Variants in ACTR6 observed in about 807,000 individuals in gnomAD.
The protein encoded by ACTR6 is actin related protein 6, also known as actin-related protein 6.
ACTR6 carries 50 observed loss-of-function variants against 52.5 expected under a neutral mutation model. The ratio of observed to expected loss-of-function variants is 0.95; its 90% CI spans 0.76 to 1.20. The LOEUF (loss-of-function observed/expected upper bound fraction) is 1.20, where lower values mean the gene tolerates loss of function less well. ACTR6 is among the 50% of genes most tolerant of loss of function. The pLI, the probability that ACTR6 is intolerant of heterozygous loss-of-function variation, is 0.00. For synonymous variants in ACTR6, 135 were observed against 147.2 expected (o/e 0.92, Z 0.60); for missense variants, 344 against 472.4 (o/e 0.73, Z 2.52).
intron 2 of ACTR6, 175 bp downstream of exon 2, chr12:100,205,232 T>C: frequency 2.0e-6 from 1 of 498,236 alleles, no homozygotes; most frequent in Non-Finnish European, 3.5e-6. Context: ...TTACTTATTG[T>C]GAGTACTGAT....
chr12:100,219,144 T>C (rs1459203229), intron 9 of ACTR6, among the ~76,000 whole-genome samples: 1 of 145,794 alleles, frequency 6.9e-6, no homozygotes, highest in Non-Finnish European at 1.5e-5. Flanking sequence ...GCACAGGCCA[T>C]GTGCTTTCCT....
chr12:100,207,848 C>G (rs943070486), intron 4 of ACTR6, 62 bp downstream of exon 4: 19 of 1,534,096 alleles, frequency 1.2e-5, no homozygotes, highest in Non-Finnish European at 1.6e-5. Flanking sequence ...GGGTAATACT[C>G]ATAAAGTCCC....
At chr12:100,208,239 C>A (rs1309358894) in intron 4 of ACTR6, among the ~76,000 whole-genome samples, 1 of 151,010 alleles carries the variant, frequency 6.6e-6, no homozygotes, top group Admixed American at 6.6e-5. Flanking sequence ...TACTATGTGG[C>A]ATTTTTTAGA....
At chr12:100,221,945 A>AT (rs901826172) in intron 10 of ACTR6, among the ~76,000 whole-genome samples, 2 of 151,340 alleles carry the variant, frequency 1.3e-5, no homozygotes, top group African/African-American at 4.9e-5. Flanking sequence ...GGTTTTTAAA[A>AT]TTTTTTTCAA....
At chr12:100,208,583 TAAAAC>T (rs2096117046) in intron 4 of ACTR6, among the ~76,000 whole-genome samples, 1 of 152,164 alleles carries the variant, frequency 6.6e-6, no homozygotes, top group Non-Finnish European at 1.5e-5. Flanking sequence ...TTTGGAATCT[TAAAAC>T]TAAATGGACC....
At chr12:100,212,630 C>G (rs1223016269) in intron 8 of ACTR6, 102 bp downstream of exon 8, 1 of 742,430 alleles carries the variant, frequency 1.3e-6, no homozygotes, top group Non-Finnish European at 2.3e-6. Context: ...GCCTGGGCAA[C>G]AAAGCAAGCC....
intron 6 of ACTR6, among the ~76,000 whole-genome samples, chr12:100,211,796 T>G (rs2096120097): frequency 6.6e-6 from 1 of 152,128 alleles, no homozygotes; most frequent in Non-Finnish European, 1.5e-5. Context: ...TTTTTGTTTA[T>G]TTTTAAACAT....
At chr12:100,221,001 A>C (rs548150947) in intron 10 of ACTR6, among the ~76,000 whole-genome samples, 8 of 149,324 alleles carry the variant, frequency 5.4e-5, no homozygotes, top group African/African-American at 1.3e-4. Flanking sequence ...ACAAACAAAC[A>C]AACCCCCCTG....
Position 100,200,997 on chromosome 12 carries a change from A to G in ACTR6, c.68+78A>G, listed in dbSNP as rs901638915. 1.2e-5 allele frequency: 20 copies of G among 1,609,172 alleles called. No individual in the cohort carries two copies. The African/African-American group carries it at 2.5e-4, about 20-fold the overall frequency. ...GTGCTACGTTTCATCTCCGGACATC[A>G]ATGAACTGCAGACACCCCCGCGCGG... On this transcript the variant is annotated intron_variant, in intron 1 of 10. Coordinates refer to ENST00000188312, the MANE Select transcript of ACTR6 (RefSeq NM_022496.5).
intron 6 of ACTR6, 58 bp from the exon 7 acceptor site, chr12:100,212,198 A>T (rs2096120395): frequency 8.0e-7 from 1 of 1,249,586 alleles, no homozygotes; most frequent in Admixed American, 2.5e-5. Context: ...AATTTCAGAT[A>T]ATTATAAATT....
chr12:100,202,812 A>C (rs940841500), intron 1 of ACTR6, among the ~76,000 whole-genome samples: 4 of 151,008 alleles, frequency 2.6e-5, no homozygotes, highest in African/African-American at 9.8e-5. Context: ...AGCCGAGATC[A>C]CGCCACTGCA....
At chr12:100,205,534 G>C in intron 2 of ACTR6, 142 bp from the exon 3 acceptor site, 1 of 515,822 alleles carries the variant, frequency 1.9e-6, no homozygotes, top group Non-Finnish European at 3.3e-6. Context: ...AATTCATACA[G>C]CATTACACTG....
rs766443218 is a variant in ACTR6, at chr12:100,200,871, A to G, written c.20A>G (p.Asp7Gly). 3 of 1,614,186 alleles carry G rather than the reference A, an allele frequency of 1.9e-6. No homozygotes were observed. Among genetic ancestry groups the G allele is most frequent in the South Asian group, 1.1e-5 (1 of 91,090 alleles). ...GGTGAGATGACGACCTTAGTGCTGG[A>G]TAATGGAGCTTACAACGCCAAAATC... Reference protein sequence around the residue: MTTLVLDNGAYNAKIGY... With the variant: MTTLVLGNGAYNAKIGY... The change falls in exon 1 of 11, where the codon GAT becomes GGT. Residue 7 changes from aspartate to glycine, a missense_variant. Asp to Gly is a moderately conservative substitution (Grantham distance 94). Transcript: ENST00000188312.
At chr12:100,222,206 G>C (rs528450295) in intron 10 of ACTR6, among the ~76,000 whole-genome samples, 2 of 150,626 alleles carry the variant, frequency 1.3e-5, no homozygotes, top group Non-Finnish European at 2.9e-5. Context: ...GCCTGCCTTG[G>C]CCTCCCAAAG....
intron 8 of ACTR6, among the ~76,000 whole-genome samples, chr12:100,212,762 T>C (rs972800433): frequency 4.6e-5 from 7 of 152,006 alleles, no homozygotes; most frequent in Non-Finnish European, 7.4e-5. Context: ...TCCCAGCACT[T>C]TGGGAGGCTG....
In ACTR6 at chr12:100,224,378, C is replaced by T. The variant is rs1358029881; in HGVS notation, c.*463C>T. 1 of 152,318 alleles carries T rather than the reference C, an allele frequency of 6.6e-6. No homozygotes were observed. Among genetic ancestry groups the T allele is most frequent in the Non-Finnish European group, 1.5e-5 (1 of 68,256 alleles). 9.4% of individuals were successfully genotyped at this position (152,318 alleles called of 1,614,324 possible). The stretch of plus-strand genomic sequence containing the variant: ...TAATGTTTATTTTGTACCTAGAGTA[C>T]ATTTAAAAGGGTGGAGACTAAGCTA... On this transcript the variant is annotated 3_prime_UTR_variant, in exon 11 of 11. Transcript: ENST00000188312.
intron 9 of ACTR6, among the ~76,000 whole-genome samples, chr12:100,219,274 T>A (rs2096126270): frequency 6.6e-6 from 1 of 152,120 alleles, no homozygotes; most frequent in South Asian, 2.1e-4. Context: ...TACAACATTT[T>A]GTACTACACT....
intron 4 of ACTR6, 44 bp from the exon 5 acceptor site, chr12:100,210,029 T>G (rs1250349476): frequency 6.6e-7 from 1 of 1,525,420 alleles, no homozygotes; most frequent in African/African-American, 1.4e-5. Context: ...TTGCTTTAAA[T>G]TAGTGTTATA....
At chr12:100,216,170 G>GT (rs2096123743) in intron 8 of ACTR6, among the ~76,000 whole-genome samples, 1 of 152,166 alleles carries the variant, frequency 6.6e-6, no homozygotes. Flanking sequence ...TTTTTGTTTG[G>GT]TTTGAGACGG....
Sources: allele counts gnomAD v4.1 joint callset (sites outside exome capture counted in the v4.1 genomes callset), GRCh38; gene constraint gnomAD v4.1.1; transcripts MANE v1.5; gene names NCBI Gene and HGNC (gene_info 2026-07-23, HGNC 2026-07-21).